CTNNA3: variants seen among roughly 807,000 people sequenced by gnomAD.
CTNNA3 encodes the protein catenin alpha-3.
CTNNA3 carries 76 observed loss-of-function variants against 95.7 expected under a neutral mutation model. The ratio of observed to expected loss-of-function variants is 0.79; its 90% CI spans 0.66 to 0.96. The LOEUF is 0.96. Among genes scored for constraint, CTNNA3 ranks in the 40% least tolerant of loss-of-function variants. The pLI, the probability that CTNNA3 is intolerant of heterozygous loss-of-function variation, is 0.00. For synonymous variants in CTNNA3, 431 were observed against 374.4 expected, an observed-to-expected ratio of 1.15 and a Z score of -1.74; for missense variants, 1,191 against 1,089.8, an observed-to-expected ratio of 1.09 and a Z score of -1.31.
intron 13 of CTNNA3, among the ~76,000 whole-genome samples, chr10:66,193,140 T>C (rs905582047): frequency 6.6e-6 from 1 of 152,138 alleles, no homozygotes; most frequent in African/African-American, 2.4e-5. Context: ...GGACTGAGAA[T>C]AAACTATGAT....
intron 8 of CTNNA3, among the ~76,000 whole-genome samples, chr10:66,771,931 GA>G (rs1473858793): frequency 6.6e-6 from 1 of 152,122 alleles, no homozygotes; most frequent in African/African-American, 2.4e-5. Flanking sequence ...TCCAGCTGGT[GA>G]AAACAGCAAA....
intron 7 of CTNNA3, among the ~76,000 whole-genome samples, chr10:66,966,003 T>C (rs545808281): frequency 1.9e-3 from 282 of 152,296 alleles, no homozygotes; most frequent in African/African-American, 6.2e-3. Flanking sequence ...AGGCAGTGTA[T>C]AGAACTGTAG....
At chr10:66,857,023 G>T (rs1168519034) in intron 7 of CTNNA3, among the ~76,000 whole-genome samples, 2 of 152,024 alleles carry the variant, frequency 1.3e-5, no homozygotes, top group Non-Finnish European at 2.9e-5. Context: ...ATCAGCCAGG[G>T]TTTTTGTAGT....
chr10:66,690,913 G>T (rs931796223), intron 9 of CTNNA3, among the ~76,000 whole-genome samples: 2 of 152,160 alleles, frequency 1.3e-5, no homozygotes, highest in African/African-American at 4.8e-5. Context: ...CTTCCACAAT[G>T]GTTGAACTAG....
intron 11 of CTNNA3, among the ~76,000 whole-genome samples, chr10:66,457,921 C>T (rs921735547): frequency 1.3e-5 from 2 of 152,122 alleles, no homozygotes; most frequent in African/African-American, 2.4e-5. Context: ...GTAACTGTCT[C>T]ATGGCAGCCT....
intron 12 of CTNNA3, among the ~76,000 whole-genome samples, chr10:66,302,726 T>C (rs573690959): frequency 1.3e-5 from 2 of 152,256 alleles, no homozygotes; most frequent in African/African-American, 4.8e-5. Flanking sequence ...TCATTGAATC[T>C]CTTCTGTAAA....
Position 67,609,090 on chromosome 10 carries a change from C to CAAAAAA in CTNNA3, c.100-2047_100-2042dup, listed in dbSNP as rs397977100. On this transcript the variant is annotated intron_variant, in intron 2 of 17. Transcript: ENST00000433211. The stretch of plus-strand genomic sequence containing the variant: ...GGGCAACAAGGGCAAAACTCTATCT[C>CAAAAAA]AAAAAAAAAAAAAAAAAAAACAACC... Among the ~76,000 whole-genome samples the CAAAAAA allele has an allele frequency of 1.9e-3, 153 of 79,148 alleles. 2 individuals are homozygous for CAAAAAA. Among genetic ancestry groups the CAAAAAA allele is most frequent in the East Asian group, 5.6e-3 (16 of 2,866 alleles). The allele number at this position is 79,148 out of a possible 152,430, so 51.9% of individuals were successfully genotyped here. A position where few individuals can be genotyped will look rare whatever the true frequency, so the allele number is the denominator to read the frequency against.
chr10:66,113,904 A>G (rs2082212197), intron 13 of CTNNA3, among the ~76,000 whole-genome samples: 2 of 152,116 alleles, frequency 1.3e-5, no homozygotes, highest in East Asian at 1.9e-4. Context: ...CAATTGTGGC[A>G]ATACCATTAC....
At chr10:67,530,916 G>C (rs915533677) in intron 4 of CTNNA3, among the ~76,000 whole-genome samples, 1 of 152,234 alleles carries the variant, frequency 6.6e-6, no homozygotes, top group African/African-American at 2.4e-5. Context: ...GTGGCTGAAA[G>C]GGGCCAATGT....
intron 1 of CTNNA3, among the ~76,000 whole-genome samples, chr10:67,671,924 G>A (rs1357270298): frequency 6.6e-6 from 1 of 152,096 alleles, no homozygotes; most frequent in Non-Finnish European, 1.5e-5. Flanking sequence ...AGACCCCTGA[G>A]GAATCGCCAC....
At chr10:67,450,889 C>A (rs951834207) in intron 5 of CTNNA3, among the ~76,000 whole-genome samples, 1 of 151,598 alleles carries the variant, frequency 6.6e-6, no homozygotes, top group African/African-American at 2.4e-5. Flanking sequence ...ATATTTATTT[C>A]TTTTAGATAT....
At chr10:66,497,751 A>G (rs1213346535) in intron 11 of CTNNA3, among the ~76,000 whole-genome samples, 1 of 152,108 alleles carries the variant, frequency 6.6e-6, no homozygotes, top group Non-Finnish European at 1.5e-5. Context: ...TCAATGTAAA[A>G]TACACCACAG....
At chr10:66,324,029 C>T (rs2092223530) in intron 12 of CTNNA3, among the ~76,000 whole-genome samples, 1 of 151,898 alleles carries the variant, frequency 6.6e-6, no homozygotes, top group Admixed American at 6.6e-5. Flanking sequence ...CACTGAGGGC[C>T]ACCTCCACCA....
intron 5 of CTNNA3, among the ~76,000 whole-genome samples, chr10:67,244,906 T>C (rs907339035): frequency 2.0e-5 from 3 of 152,210 alleles, no homozygotes; most frequent in Non-Finnish European, 2.9e-5. Flanking sequence ...GCAATTCTTC[T>C]AATTGCCAGT....
intron 3 of CTNNA3, among the ~76,000 whole-genome samples, chr10:67,591,349 G>T (rs1199929063): frequency 6.6e-6 from 1 of 151,802 alleles, no homozygotes; most frequent in African/African-American, 2.4e-5. Context: ...GACAATATTG[G>T]ATACTTAAGA....
At chr10:66,921,511 T>G (rs528582259) in intron 7 of CTNNA3, among the ~76,000 whole-genome samples, 1 of 152,318 alleles carries the variant, frequency 6.6e-6, no homozygotes, top group African/African-American at 2.4e-5. Context: ...CCAATTATTC[T>G]ATCACTTGGT....
At chr10:66,481,178 A>G (rs1839511472) in intron 11 of CTNNA3, among the ~76,000 whole-genome samples, 1 of 152,142 alleles carries the variant, frequency 6.6e-6, no homozygotes, top group Admixed American at 6.5e-5. Context: ...TTTGTGAGAG[A>G]GCAATTTTCA....
At chr10:67,032,460 A>C (rs1853789641) in intron 7 of CTNNA3, among the ~76,000 whole-genome samples, 1 of 152,134 alleles carries the variant, frequency 6.6e-6, no homozygotes, top group African/African-American at 2.4e-5. Flanking sequence ...TAAGAGGAGG[A>C]AAAAAAGAAT....
chr10:67,725,333 C>T (rs1048968361), intron 1 of CTNNA3, among the ~76,000 whole-genome samples: 2 of 152,018 alleles, frequency 1.3e-5, no homozygotes, highest in Non-Finnish European at 2.9e-5. Context: ...CCCGCCACCA[C>T]GCCCAGCTAA....
Sources: allele counts gnomAD v4.1 joint callset (sites outside exome capture counted in the v4.1 genomes callset), GRCh38; gene constraint gnomAD v4.1.1; transcripts MANE v1.5; gene names NCBI Gene and HGNC (gene_info 2026-07-23, HGNC 2026-07-21).